Variants in DENND10 observed in about 807,000 individuals in gnomAD.
DENND10 encodes the protein DENN domain containing 10, also known as DENN domain-containing protein 10.
Under a neutral mutation model 43.6 loss-of-function variants are expected in DENND10, and 24 were observed. The ratio of observed to expected loss-of-function variants is 0.55; its 90% CI spans 0.40 to 0.77. The LOEUF (loss-of-function observed/expected upper bound fraction) is 0.77, where lower values mean the gene tolerates loss of function less well. DENND10 is among the 30% of genes least tolerant of loss of function. DENND10 has a pLI of 0.00. For missense variants in DENND10, 303 were observed against 429.9 expected, an observed-to-expected ratio of 0.70 and a Z score of 2.61; for synonymous variants, 125 against 157.6, an observed-to-expected ratio of 0.79 and a Z score of 1.55.
At chr10:119,128,200 C>T (rs1402444677) in intron 6 of DENND10, among the ~76,000 whole-genome samples, 1 of 151,980 alleles carries the variant, frequency 6.6e-6, no homozygotes, top group East Asian at 1.9e-4. Context: ...GTAGTCCCAG[C>T]TACTCAGAAG....
intron 2 of DENND10, among the ~76,000 whole-genome samples, chr10:119,108,445 T>C (rs1327668531): frequency 2.8e-4 from 41 of 144,562 alleles, no homozygotes; most frequent in Admixed American, 1.3e-3. Flanking sequence ...ATTGTGCCAC[T>C]GCACTCCAGC....
chr10:119,136,348 A>G, intron 8 of DENND10, 123 bp from the exon 9 acceptor site: 1 of 1,164,828 alleles, frequency 8.6e-7, no homozygotes, highest in Non-Finnish European at 1.2e-6. Context: ...GGCATGAGCC[A>G]CCACGCCAAG....
chr10:119,126,899 TTTC>T (rs1226840789), intron 6 of DENND10, among the ~76,000 whole-genome samples: 3 of 151,028 alleles, frequency 2.0e-5, no homozygotes, highest in Non-Finnish European at 4.4e-5. Context: ...CTCTTTTTCT[TTTC>T]TTTTTTTTTT....
intron 7 of DENND10, among the ~76,000 whole-genome samples, chr10:119,131,368 G>T (rs567426108): frequency 2.5e-3 from 375 of 152,324 alleles, no homozygotes; most frequent in Non-Finnish European, 4.0e-3. Context: ...TGAGGCAGGA[G>T]AATCAGTTGA....
At chr10:119,109,173 G>A (rs554480937) in intron 2 of DENND10, among the ~76,000 whole-genome samples, 12 of 143,756 alleles carry the variant, frequency 8.3e-5, no homozygotes, top group Admixed American at 5.2e-4. Context: ...CTGTGATTGC[G>A]CCATTGCACT....
intron 5 of DENND10, among the ~76,000 whole-genome samples, chr10:119,120,820 G>A (rs1845536918): frequency 6.6e-6 from 1 of 152,208 alleles, no homozygotes; most frequent in South Asian, 2.1e-4. Flanking sequence ...TTCAAGGACA[G>A]GCAGCTAGGC....
intron 4 of DENND10, 115 bp downstream of exon 4, chr10:119,117,782 A>G (rs937394526): frequency 3.9e-6 from 4 of 1,012,718 alleles, no homozygotes; most frequent in African/African-American, 1.6e-5. Context: ...CCTGGTTAAC[A>G]TGGTGAAACC....
rs1845521472 is a variant in DENND10, at chr10:119,120,505, G to C, written c.593+53G>C. The C allele has an allele frequency of 5.4e-6, 6 of 1,106,406 alleles. No homozygotes were observed. The Admixed American group carries it at 1.0e-4, about 19-fold the overall frequency. 68.5% of individuals were successfully genotyped at this position (1,106,406 alleles called of 1,614,324 possible). On this transcript the variant is annotated intron_variant, in intron 5 of 8. Coordinates refer to ENST00000361432, the MANE Select transcript of DENND10 (RefSeq NM_207009.4). ...TAACTTTGTTGGCAGACAGTTCGCA[G>C]CACTAGATGTTACTGTGTGCTCTGC...
At chr10:119,110,676 T>G (rs965259194) in intron 2 of DENND10, among the ~76,000 whole-genome samples, 2 of 151,972 alleles carry the variant, frequency 1.3e-5, no homozygotes, top group Non-Finnish European at 2.9e-5. Context: ...AGGCTGGTCT[T>G]GAACTCCTGA....
At position 119,132,647 on chromosome 10, in the gene DENND10, C is replaced by G; in HGVS notation, c.897+38C>G. ...CCTTCTGACTTACTGAAAGTCCTGA[C>G]CCGGTGTCGCTGGGTGGTGTGCGGC... On this transcript the variant is annotated intron_variant, in intron 8 of 8. Transcript: ENST00000361432. The surrounding 1 kb of genome is among the most constrained non-coding windows in gnomAD (Gnocchi z 4.2). 2 of 1,538,198 alleles carry G rather than the reference C, an allele frequency of 1.3e-6. No homozygotes were observed. The highest frequency in any genetic ancestry group is 1.4e-5 in the African/African-American group (1 of 73,560).
intron 7 of DENND10, among the ~76,000 whole-genome samples, chr10:119,131,948 TG>T (rs2133532396): frequency 6.6e-6 from 1 of 152,328 alleles, no homozygotes; most frequent in East Asian, 1.9e-4. Context: ...ACCAGTTGAA[TG>T]GAGTCTGTCT....
At chr10:119,134,961 T>C (rs1361439548) in intron 8 of DENND10, 1 of 151,434 alleles carries the variant, frequency 6.6e-6, no homozygotes, top group Non-Finnish European at 1.5e-5. Context: ...GGTCAGGAGT[T>C]CAAGACCAGC....
intron 8 of DENND10, among the ~76,000 whole-genome samples, chr10:119,135,815 AAC>A (rs1491023125): frequency 2.9e-5 from 4 of 138,028 alleles, no homozygotes; most frequent in Non-Finnish European, 4.8e-5. Flanking sequence ...AAAAAAAAAA[AAC>A]CAAAACCACA....
At chr10:119,119,745 G>A (rs1191832025) in intron 4 of DENND10, among the ~76,000 whole-genome samples, 2 of 150,130 alleles carry the variant, frequency 1.3e-5, no homozygotes, top group Non-Finnish European at 3.0e-5. Context: ...TTTAAATCAG[G>A]AAGTTTTAAT....
chr10:119,135,611 G>A (rs1189671682), intron 8 of DENND10, among the ~76,000 whole-genome samples: 1 of 151,820 alleles, frequency 6.6e-6, no homozygotes, highest in Non-Finnish European at 1.5e-5. Context: ...CAAATTCACA[G>A]AGTTAGACGG....
chr10:119,119,010 ATT>A (rs35810229), intron 4 of DENND10, among the ~76,000 whole-genome samples: 78,901 of 141,952 alleles, frequency 0.56, 21,867 homozygotes, highest in South Asian at 0.67. Context: ...CACCCAGCTA[ATT>A]TTTTTTTTTT....
Position 119,104,204 on chromosome 10 carries a change from A to G in DENND10, c.55+7A>G. 6 of 1,514,298 alleles carry G rather than the reference A, an allele frequency of 4.0e-6. No individual in the cohort carries two copies. The highest frequency in any genetic ancestry group is 5.3e-6 in the Non-Finnish European group (6 of 1,132,326). The allele number at this position is 1,514,298 out of a possible 1,614,324, so 93.8% of individuals were successfully genotyped here. On this transcript the variant is annotated splice_region_variant and intron_variant, in intron 1 of 8. Coordinates refer to ENST00000361432, the MANE Select transcript of DENND10 (RefSeq NM_207009.4). ...CTTGGAGTCGGGCTGATCGGTGAGG[A>G]CGTAGGCGCCCTGCCTGGAAGCCCG...
intron 1 of DENND10, among the ~76,000 whole-genome samples, chr10:119,106,342 A>G (rs541341068): frequency 2.6e-5 from 4 of 152,240 alleles, no homozygotes; most frequent in Admixed American, 1.3e-4. Context: ...TTCAATAACA[A>G]TTTTTTATTT....
chr10:119,112,002 C>T (rs977122317), intron 3 of DENND10, 74 bp downstream of exon 3: 36 of 1,154,990 alleles, frequency 3.1e-5, no homozygotes, highest in Non-Finnish European at 4.5e-5. Context: ...CAGATTTCTA[C>T]ACTGAGAAAG....
Sources: allele counts gnomAD v4.1 joint callset (sites outside exome capture counted in the v4.1 genomes callset), GRCh38; gene constraint gnomAD v4.1.1; non-coding constraint Gnocchi (gnomAD v3.1); transcripts MANE v1.5; gene names NCBI Gene and HGNC (gene_info 2026-07-23, HGNC 2026-07-21).